CLIC2: variants seen among roughly 807,000 people sequenced by gnomAD.
The protein encoded by CLIC2 is CLIC family member 2.
CLIC2 carries 9 observed loss-of-function variants against 14.8 expected under a neutral mutation model. The observed-to-expected ratio is 0.61, with a 90% CI of 0.37 to 1.06. The LOEUF is 1.06. Among genes scored for constraint, CLIC2 ranks in the 50% least tolerant of loss-of-function variants. The pLI is 0.01. For synonymous variants in CLIC2, 61 were observed against 66.3 expected (o/e 0.92, Z 0.39); for missense variants, 148 against 181.4 (o/e 0.82, Z 1.06).
intron 1 of CLIC2, among the ~76,000 whole-genome samples, chrX:155,333,328 A>G (rs1472628613): frequency 2.7e-5 from 3 of 111,384 alleles, no homozygotes; most frequent in African/African-American, 9.8e-5. Context: ...TGAGAACAAC[A>G]TTATAATATT....
At chrX:155,333,508 G>C (rs1557323035) in intron 1 of CLIC2, among the ~76,000 whole-genome samples, 1 of 110,391 alleles carries the variant, frequency 9.1e-6, no homozygotes, top group African/African-American at 3.3e-5. Context: ...CACAATATGA[G>C]TTTGTTATTG....
Position 155,298,906 on chromosome X carries a change from G to A in CLIC2, c.172C>T (p.Pro58Ser), listed in dbSNP as rs148449003. 9 of 1,206,508 alleles carry A rather than the reference G, an allele frequency of 7.5e-6. No individual in the cohort carries two copies. The African/African-American group carries it at 1.6e-4, about 21-fold the overall frequency. ...GGGGCTAAGTCCTTTAGTTCTTCAG[G>A]CTTTCTATGATTATTAAAAATAAGC... The part of the protein sequence containing the change: ...NVTTVDMTRK[P>S]EELKDLAPGT... The change falls in exon 3 of 6, where the codon CCT (proline) becomes TCT (serine). Residue 58 changes from proline to serine, a missense_variant. By Grantham distance (74) the Pro-to-Ser change is moderately conservative. Coordinates refer to ENST00000369449, the MANE Select transcript of CLIC2 (RefSeq NM_001289.6).
intron 1 of CLIC2, among the ~76,000 whole-genome samples, chrX:155,311,980 T>C (rs1324639700): frequency 1.8e-5 from 2 of 111,953 alleles, no homozygotes; most frequent in Non-Finnish European, 1.9e-5. Flanking sequence ...GAGGGAATTA[T>C]GGGAGCTACA....
intron 5 of CLIC2, chrX:155,278,807 G>A (rs1449016037): frequency 1.2e-5 from 2 of 164,901 alleles, no homozygotes; most frequent in Non-Finnish European, 2.3e-5. Context: ...GTGGTGGCAC[G>A]CACCTGTAGT....
Position 155,277,272 on chromosome X carries a change from T to C in CLIC2, c.*631A>G, listed in dbSNP as rs1177914724. 9.0e-6 allele frequency: 1 copy of C among 111,631 alleles called. No individual in the cohort carries two copies. The highest frequency in any genetic ancestry group is 1.9e-5 in the Non-Finnish European group (1 of 53,129). 9.2% of individuals were successfully genotyped at this position (111,631 alleles called of 1,213,427 possible). ...AAATTATGTTTTATTTAATGAGTGC[T>C]TCTTCATTTAAAAATAATATAATCT... On this transcript the variant is annotated 3_prime_UTR_variant, in exon 6 of 6. Transcript: ENST00000369449.
chrX:155,298,710 GA>G, intron 3 of CLIC2, 74 bp downstream of exon 3: 1 of 1,128,193 alleles, frequency 8.9e-7, no homozygotes, highest in South Asian at 1.8e-5. Context: ...AAATTGGTAA[GA>G]ATACTAAATC....
Position 155,277,810 on chromosome X carries a change from T to C in CLIC2, c.*93A>G, listed in dbSNP as rs1163424135. Reference sequence around the variant, plus strand: ...TAAGAGAGTTGGATAGAAGAAACAGTATTTTTCATATTCTTATTTGCAAAA... The same window carrying C: ...TAAGAGAGTTGGATAGAAGAAACAGCATTTTTCATATTCTTATTTGCAAAA... On this transcript the variant is annotated 3_prime_UTR_variant, in exon 6 of 6. Coordinates refer to ENST00000369449, the MANE Select transcript of CLIC2 (RefSeq NM_001289.6). 1.5e-5 allele frequency: 11 copies of C among 749,525 alleles called. No homozygotes were observed. The Admixed American group carries it at 1.6e-4, about 11-fold the overall frequency. The allele number at this position is 749,525 out of a possible 1,213,427, so 61.8% of individuals were successfully genotyped here.
rs1315816546 is a variant in CLIC2 at position 155,276,759 on chromosome X, T to C, written c.*1144A>G. 1.8e-5 allele frequency: 2 copies of C among 112,513 alleles called. No individual in the cohort carries two copies. The highest frequency in any genetic ancestry group is 3.2e-5 in the African/African-American group (1 of 31,011). The allele number at this position is 112,513 out of a possible 1,213,427, so 9.3% of individuals were successfully genotyped here. A position where few individuals can be genotyped will look rare whatever the true frequency, so the allele number is the denominator to read the frequency against. On this transcript the variant is annotated 3_prime_UTR_variant, in exon 6 of 6. Coordinates refer to ENST00000369449, the MANE Select transcript of CLIC2 (RefSeq NM_001289.6). Reference sequence around the variant, plus strand: ...TCTGAAATATACTGATGACAGGATGTATCTCAAAGATTATCAACATGATTG... The same window carrying C: ...TCTGAAATATACTGATGACAGGATGCATCTCAAAGATTATCAACATGATTG...
rs782357319 is a variant in CLIC2, at chrX:155,279,363, A to G, written c.401-33T>C. ...AATGAAGTAATAGAGTTACTTGTAA[A>G]TGTATTGTCTTTTGACTAAATACAT... On this transcript the variant is annotated intron_variant, in intron 4 of 5. Transcript: ENST00000369449. 1.4e-4 allele frequency: 153 copies of G among 1,065,572 alleles called. 1 individual carries two copies. The Admixed American group carries it at 3.3e-3, about 23-fold the overall frequency. 87.8% of individuals were successfully genotyped at this position (1,065,572 alleles called of 1,213,427 possible).
At chrX:155,304,924 G>T (rs1451223376) in intron 1 of CLIC2, among the ~76,000 whole-genome samples, 1 of 104,332 alleles carries the variant, frequency 9.6e-6, no homozygotes, top group Admixed American at 1.0e-4. Flanking sequence ...ACTTGAGGAG[G>T]CAGTCTGCCC....
rs781820054 is a variant in CLIC2, at chrX:155,334,402, T to G, written c.26A>C (p.Gln9Pro). Residue 9 changes from glutamine to proline, a missense_variant, in exon 1 of 6, where the codon CAA becomes CCA. Gln to Pro is a moderately conservative substitution (Grantham distance 76, BLOSUM62 -1). Coordinates refer to ENST00000369449, the MANE Select transcript of CLIC2 (RefSeq NM_001289.6). MSGLRPGT[Q>P]VDPEIELFVK... The stretch of plus-strand genomic sequence containing the variant: ...AAAAAGCTCAATCTCAGGGTCCACT[T>G]GAGTGCCGGGCCGCAGGCCTGACAT... 1.7e-6 allele frequency: 2 copies of G among 1,210,090 alleles called. No homozygotes were observed. Among genetic ancestry groups the G allele is most frequent in the Non-Finnish European group, 2.2e-6 (2 of 893,855 alleles).
intron 1 of CLIC2, among the ~76,000 whole-genome samples, chrX:155,324,377 A>G (rs913001234): frequency 1.8e-5 from 2 of 112,101 alleles, no homozygotes; most frequent in Non-Finnish European, 3.8e-5. Flanking sequence ...CTACAAGGCT[A>G]CAGTAACCAA....
At chrX:155,289,736 A>G (rs1470640102) in intron 3 of CLIC2, among the ~76,000 whole-genome samples, 5 of 112,212 alleles carry the variant, frequency 4.5e-5, no homozygotes, top group African/African-American at 1.6e-4. Context: ...CCTGCAGTAT[A>G]GAAAATATCT....
intron 1 of CLIC2, among the ~76,000 whole-genome samples, chrX:155,319,489 T>G (rs2075106396): frequency 8.9e-6 from 1 of 112,101 alleles, no homozygotes; most frequent in Admixed American, 9.4e-5. Flanking sequence ...AAGGGAAGCC[T>G]TGAAGGACTG....
Position 155,277,964 on chromosome X carries a change from G to A in CLIC2, c.683C>T (p.Thr228Met). ...NAYAREEFTH[T>M]CPEDKEIENT... The stretch of plus-strand genomic sequence containing the variant: ...TTCAATTTCTTTGTCTTCAGGACAC[G>A]TGTGGGTAAATTCTTCACGGGCATA... Residue 228 changes from threonine to methionine, a missense_variant, in exon 6 of 6, where the codon ACG becomes ATG. Thr to Met is a moderately conservative substitution (Grantham distance 81). Coordinates refer to ENST00000369449, the MANE Select transcript of CLIC2 (RefSeq NM_001289.6). 3.3e-6 allele frequency: 4 copies of A among 1,207,874 alleles called. No homozygotes were observed. The highest frequency in any genetic ancestry group is 4.5e-6 in the Non-Finnish European group (4 of 892,087).
chrX:155,293,501 G>C (rs1290581661), intron 3 of CLIC2: 3 of 479,675 alleles, frequency 6.3e-6, no homozygotes, highest in South Asian at 3.1e-5. Flanking sequence ...AATGACAAGA[G>C]AGAGAGAAAA....
intron 1 of CLIC2, among the ~76,000 whole-genome samples, chrX:155,313,262 T>G (rs781865418): frequency 9.1e-6 from 1 of 109,671 alleles, no homozygotes; most frequent in African/African-American, 3.3e-5. Flanking sequence ...CAGACACTGT[T>G]AAGTGGGAGT....
At chrX:155,308,607 G>A (rs1569561348) in intron 1 of CLIC2, among the ~76,000 whole-genome samples, 2 of 111,432 alleles carry the variant, frequency 1.8e-5, no homozygotes, top group Admixed American at 1.9e-4. Flanking sequence ...CTATCTCAGG[G>A]CATTTAACGT....
intron 5 of CLIC2, among the ~76,000 whole-genome samples, chrX:155,278,478 C>T (rs1557316041): frequency 5.3e-5 from 6 of 112,298 alleles, no homozygotes. Context: ...ATTAATTCAT[C>T]ATAATACTAA....
Sources: gnomAD v4.1 joint callset for allele counts (sites outside exome capture counted in the v4.1 genomes callset) on GRCh38, gnomAD v4.1.1 for gene constraint, MANE v1.5 for transcripts, NCBI Gene and HGNC (gene_info 2026-07-23, HGNC 2026-07-21) for gene names.